DPYD: variants seen among roughly 807,000 people sequenced by gnomAD.
The protein encoded by DPYD is dihydropyrimidine dehydrogenase [NADP(+)].
A neutral mutation model predicts 116.2 loss-of-function variants in DPYD; 109 were observed. The ratio of observed to expected loss-of-function variants is 0.94; its 90% CI spans 0.80 to 1.10. DPYD has a LOEUF of 1.10. Ranked by LOEUF, DPYD falls within the 50% of genes least tolerant of loss-of-function variation. The pLI is 0.00. For synonymous variants in DPYD, 440 were observed against 432.0 expected (o/e 1.02, Z -0.23); for missense variants, 1,302 against 1,254.5 (o/e 1.04, Z -0.57).
intron 12 of DPYD, among the ~76,000 whole-genome samples, chr1:97,532,904 C>A (rs2102029247): frequency 1.6e-5 from 2 of 122,918 alleles, no homozygotes; most frequent in Middle Eastern, 8.8e-3. Context: ...TAACTTTGGG[C>A]TTAGTTGTTT....
At chr1:97,708,784 T>C (rs1662125471) in intron 5 of DPYD, among the ~76,000 whole-genome samples, 2 of 152,026 alleles carry the variant, frequency 1.3e-5, no homozygotes, top group South Asian at 2.1e-4. Context: ...AATATGTCTC[T>C]ATTTATTTAG....
chr1:97,757,645 T>C (rs1378768651), intron 3 of DPYD, among the ~76,000 whole-genome samples: 5 of 152,216 alleles, frequency 3.3e-5, no homozygotes, highest in African/African-American at 9.7e-5. Flanking sequence ...CCCATTACTA[T>C]AAATAGGAAT....
intron 20 of DPYD, among the ~76,000 whole-genome samples, chr1:97,147,374 A>G (rs828056): frequency 0.029 from 4,269 of 145,514 alleles, 169 homozygotes; most frequent in African/African-American, 0.093. Context: ...ACAAACGAAC[A>G]AACAAACAAA....
intron 18 of DPYD, among the ~76,000 whole-genome samples, chr1:97,278,312 C>A (rs1665088491): frequency 6.6e-6 from 1 of 152,230 alleles, no homozygotes; most frequent in East Asian, 1.9e-4. Context: ...CAGTCTATAA[C>A]AAATCTGTGT....
intron 8 of DPYD, among the ~76,000 whole-genome samples, chr1:97,615,493 C>G (rs979904686): frequency 6.6e-6 from 1 of 152,092 alleles, no homozygotes. Flanking sequence ...CAAACAGAAC[C>G]ATCCTACACA....
chr1:97,804,941 T>TA (rs1384242341), intron 3 of DPYD, among the ~76,000 whole-genome samples: 1 of 151,876 alleles, frequency 6.6e-6, no homozygotes, highest in Non-Finnish European at 1.5e-5. Context: ...TATGGTTTTA[T>TA]AAAAAAGATA....
At position 97,422,149 on chromosome 1, in the gene DPYD, A is replaced by G. The variant is rs1188570838; in HGVS notation, c.1905+27910T>C. Among the ~76,000 whole-genome samples, 2 of 152,130 alleles carry G rather than the reference A, an allele frequency of 1.3e-5. 1 individual carries two copies. Among genetic ancestry groups the G allele is most frequent in the South Asian group, 4.1e-4 (2 of 4,832 alleles). On this transcript the variant is annotated intron_variant, in intron 14 of 22. Coordinates refer to ENST00000370192, the MANE Select transcript of DPYD (RefSeq NM_000110.4). ...ACCTAACAATCTTTTAGTTATCAGC[A>G]TTGGTTTTGGGAAGTATTTTTAACA...
chr1:97,511,943 C>T (rs1647832883), intron 13 of DPYD, among the ~76,000 whole-genome samples: 1 of 151,864 alleles, frequency 6.6e-6, no homozygotes. Context: ...CATTTTTAGA[C>T]ACGTATAGAT....
At chr1:97,388,026 T>C (rs1672456524) in intron 14 of DPYD, among the ~76,000 whole-genome samples, 1 of 152,146 alleles carries the variant, frequency 6.6e-6, no homozygotes, top group African/African-American at 2.4e-5. Flanking sequence ...GCAAGGAGTC[T>C]GATTATGTTG....
At chr1:97,513,785 G>A (rs192953585) in intron 13 of DPYD, among the ~76,000 whole-genome samples, 247 of 151,810 alleles carry the variant, frequency 1.6e-3, no homozygotes, top group Non-Finnish European at 2.8e-3. Flanking sequence ...AAGCACATAC[G>A]ATGTAATTAT....
chr1:97,317,864 ACTGCAATCC>A (rs1667957345), intron 16 of DPYD, among the ~76,000 whole-genome samples: 2 of 151,990 alleles, frequency 1.3e-5, no homozygotes, highest in Admixed American at 6.6e-5. Context: ...TCAGAGAAAA[ACTGCAATCC>A]CTTGGCAATG....
At chr1:97,714,364 C>T (rs925806188) in intron 5 of DPYD, among the ~76,000 whole-genome samples, 1 of 151,942 alleles carries the variant, frequency 6.6e-6, no homozygotes, top group Non-Finnish European at 1.5e-5. Flanking sequence ...AGGTGCACAC[C>T]ACCACAGCTG....
At chr1:97,275,180 C>G (rs75800350) in intron 18 of DPYD, among the ~76,000 whole-genome samples, 2,488 of 152,224 alleles carry the variant, frequency 0.016, 31 homozygotes, top group Non-Finnish European at 0.023. Context: ...GAGATGTAAG[C>G]TGGGACAAAA....
At chr1:97,811,706 T>C (rs1339728334) in intron 3 of DPYD, among the ~76,000 whole-genome samples, 1 of 152,108 alleles carries the variant, frequency 6.6e-6, no homozygotes, top group African/African-American at 2.4e-5. Flanking sequence ...TTAAAATACA[T>C]AATCATGTTG....
intron 4 of DPYD, among the ~76,000 whole-genome samples, chr1:97,733,443 A>AT (rs1663747427): frequency 6.6e-6 from 1 of 151,946 alleles, no homozygotes; most frequent in Admixed American, 6.6e-5. Flanking sequence ...TACAGATTAA[A>AT]TTTTTTTCTA....
intron 2 of DPYD, among the ~76,000 whole-genome samples, chr1:97,844,185 A>C (rs1449058194): frequency 1.3e-5 from 2 of 152,232 alleles, no homozygotes; most frequent in Non-Finnish European, 2.9e-5. Context: ...ATCACAGAGA[A>C]TCTTGCCAAA....
intron 19 of DPYD, among the ~76,000 whole-genome samples, chr1:97,196,083 T>A (rs927636715): frequency 6.6e-6 from 1 of 151,744 alleles, no homozygotes; most frequent in South Asian, 2.1e-4. Flanking sequence ...TTATAGGTTA[T>A]AGGGTTTTGC....
At chr1:97,722,618 T>C (rs1376811224) in intron 4 of DPYD, among the ~76,000 whole-genome samples, 2 of 151,614 alleles carry the variant, frequency 1.3e-5, no homozygotes, top group African/African-American at 4.8e-5. Flanking sequence ...TTATTTTTCC[T>C]TTGGCTTTTA....
chr1:97,218,300 C>T (rs1184188443), intron 19 of DPYD, among the ~76,000 whole-genome samples: 4 of 151,812 alleles, frequency 2.6e-5, no homozygotes, highest in Non-Finnish European at 4.4e-5. Context: ...AAAATGAATG[C>T]ATTAAGAATG....
Sources: gnomAD v4.1 joint callset for allele counts (sites outside exome capture counted in the v4.1 genomes callset) on GRCh38, gnomAD v4.1.1 for gene constraint, MANE v1.5 for transcripts, NCBI Gene and HGNC (gene_info 2026-07-23, HGNC 2026-07-21) for gene names.